C8orf74: variants seen among roughly 807,000 people sequenced by gnomAD.
The protein encoded by C8orf74 is uncharacterized protein C8orf74.
C8orf74 carries 29 observed loss-of-function variants against 22.2 expected under a neutral mutation model. That is an observed-to-expected ratio of 1.31 (90% CI 0.97 to 1.78). The LOEUF (loss-of-function observed/expected upper bound fraction) is 1.78, where lower values mean the gene tolerates loss of function less well. Ranked by LOEUF, C8orf74 falls within the 40% of genes most tolerant of loss-of-function variation. C8orf74 has a pLI of 0.00. For missense variants in C8orf74, 515 were observed against 369.9 expected, an observed-to-expected ratio of 1.39 and a Z score of -3.22; for synonymous variants, 255 against 163.1, an observed-to-expected ratio of 1.56 and a Z score of -4.30.
At chr8:10,677,585 T>C (rs996488565) in intron 2 of C8orf74, among the ~76,000 whole-genome samples, 32 of 152,200 alleles carry the variant, frequency 2.1e-4, no homozygotes, top group African/African-American at 7.0e-4. Flanking sequence ...ACCTCTTTTT[T>C]TATTTTAATA....
chr8:10,698,978 C>T (rs899662865), intron 3 of C8orf74, among the ~76,000 whole-genome samples: 13 of 151,398 alleles, frequency 8.6e-5, no homozygotes, highest in Admixed American at 2.6e-4. Context: ...AGCATAGCAG[C>T]CTGGATGGTG....
intron 2 of C8orf74, chr8:10,675,566 C>T (rs184134558): frequency 1.3e-4 from 20 of 152,294 alleles, no homozygotes; most frequent in African/African-American, 3.9e-4. Flanking sequence ...CAACATCCTT[C>T]GTAGTGACAA....
At chr8:10,696,652 T>G (rs1799507893) in intron 2 of C8orf74, among the ~76,000 whole-genome samples, 1 of 152,024 alleles carries the variant, frequency 6.6e-6, no homozygotes, top group Admixed American at 6.5e-5. Context: ...TTTGCCATGT[T>G]GGCCAAGCTG....
At chr8:10,676,411 C>A (rs1047721412) in intron 2 of C8orf74, among the ~76,000 whole-genome samples, 1 of 152,144 alleles carries the variant, frequency 6.6e-6, no homozygotes. Context: ...ATTTCCACCC[C>A]CCTCTCTTGA....
intron 2 of C8orf74, among the ~76,000 whole-genome samples, chr8:10,690,547 G>C (rs1799355546): frequency 6.6e-6 from 1 of 152,178 alleles, no homozygotes; most frequent in African/African-American, 2.4e-5. Context: ...CCACGCTGTA[G>C]CCTGACTTGG....
intron 2 of C8orf74, among the ~76,000 whole-genome samples, chr8:10,681,895 C>A (rs1036314915): frequency 1.3e-5 from 2 of 152,088 alleles, no homozygotes; most frequent in African/African-American, 4.8e-5. Flanking sequence ...CATGGCCACT[C>A]CTGGTTCTAA....
intron 3 of C8orf74, among the ~76,000 whole-genome samples, 194 bp downstream of exon 3, chr8:10,698,199 G>A (rs1488239543): frequency 5.9e-5 from 9 of 152,214 alleles, no homozygotes; most frequent in African/African-American, 2.2e-4. Flanking sequence ...TTAGTGATGA[G>A]ACGACTGAGG....
At chr8:10,689,317 C>T (rs944625049) in intron 2 of C8orf74, 1 of 152,238 alleles carries the variant, frequency 6.6e-6, no homozygotes, top group Non-Finnish European at 1.5e-5. Flanking sequence ...ATTGTACAAG[C>T]TCAACATTTC....
intron 2 of C8orf74, among the ~76,000 whole-genome samples, chr8:10,694,118 T>C (rs1357220861): frequency 6.6e-6 from 1 of 152,138 alleles, no homozygotes; most frequent in Non-Finnish European, 1.5e-5. Context: ...CTGAAGCCCA[T>C]GCTGTTGTTC....
At chr8:10,698,940 C>T (rs1487294642) in intron 3 of C8orf74, among the ~76,000 whole-genome samples, 2 of 144,906 alleles carry the variant, frequency 1.4e-5, no homozygotes, top group African/African-American at 5.2e-5. Context: ...CACACACACA[C>T]ACACACGAAA....
chr8:10,678,102 T>C (rs1219550605), intron 2 of C8orf74, among the ~76,000 whole-genome samples: 2 of 152,172 alleles, frequency 1.3e-5, no homozygotes, highest in Admixed American at 1.3e-4. Flanking sequence ...AACAAGCTCT[T>C]AGGTGGGCTT....
Position 10,697,746 on chromosome 8 carries a change from G to T in C8orf74, c.389G>T (p.Gly130Val). 1 of 1,614,016 alleles carries T rather than the reference G, an allele frequency of 6.2e-7. No homozygotes were observed. The highest frequency in any genetic ancestry group is 8.5e-7 in the Non-Finnish European group (1 of 1,179,892). ...RHYKLYQYVLGQDQQVDLTVA... is the reference protein window; with the variant it reads ...RHYKLYQYVLVQDQQVDLTVA... ...TACAAACTCTACCAGTATGTCCTGG[G>T]CCAGGACCAGCAGGTCGACCTGACC... The change falls in exon 3 of 4, where the codon GGC becomes GTC. Residue 130 changes from glycine (G) to valine (V), a missense_variant. By Grantham distance (109) the Gly-to-Val change is moderately radical. Transcript: ENST00000304519.
At chr8:10,683,473 G>A (rs1190486649) in intron 2 of C8orf74, among the ~76,000 whole-genome samples, 1 of 152,250 alleles carries the variant, frequency 6.6e-6, no homozygotes, top group Non-Finnish European at 1.5e-5. Flanking sequence ...TATGAGGATG[G>A]AGTAGCCACA....
intron 2 of C8orf74, among the ~76,000 whole-genome samples, chr8:10,687,774 A>G (rs1163473986): frequency 6.6e-6 from 1 of 152,236 alleles, no homozygotes; most frequent in Non-Finnish European, 1.5e-5. Context: ...CAGGGTCACC[A>G]TCTTCTTAAA....
chr8:10,673,204 G>T (rs1269575939), intron 1 of C8orf74, among the ~76,000 whole-genome samples: 1 of 152,082 alleles, frequency 6.6e-6, no homozygotes, highest in African/African-American at 2.4e-5. Flanking sequence ...AGGATCCCTT[G>T]CCTCAGGAAA....
rs574972893 is a variant in C8orf74 at position 10,681,755 on chromosome 8, TG to T, written c.241+6918del. On this transcript the variant is annotated intron_variant, in intron 2 of 3. Transcript: ENST00000304519. Reference sequence around the variant, plus strand: ...AGACAGCTGAAGCAGGAAGAACCTTTGCATATGGCCAGGCCCGCCAATCCCA... The same window carrying T: ...AGACAGCTGAAGCAGGAAGAACCTTTCATATGGCCAGGCCCGCCAATCCCA... Among the ~76,000 whole-genome samples the T allele has an allele frequency of 2.4e-3, 362 of 152,268 alleles. 3 individuals carry two copies. The highest frequency in any genetic ancestry group is 8.3e-3 in the African/African-American group (344 of 41,550).
intron 2 of C8orf74, among the ~76,000 whole-genome samples, chr8:10,681,815 G>T (rs1799157184): frequency 6.6e-6 from 1 of 152,234 alleles, no homozygotes; most frequent in African/African-American, 2.4e-5. Flanking sequence ...TGACCGGTCA[G>T]TGGAGGCACA....
At chr8:10,686,846 T>A (rs575199363) in intron 2 of C8orf74, among the ~76,000 whole-genome samples, 1 of 152,300 alleles carries the variant, frequency 6.6e-6, no homozygotes, top group South Asian at 2.1e-4. Context: ...TGGTGTCCTA[T>A]TCCCCTACCC....
At chr8:10,682,503 T>G (rs1320518718) in intron 2 of C8orf74, among the ~76,000 whole-genome samples, 2 of 152,154 alleles carry the variant, frequency 1.3e-5, no homozygotes, top group Non-Finnish European at 2.9e-5. Context: ...TTCTCCCCAC[T>G]TCCTCTTGTG....
Sources: allele counts gnomAD v4.1 joint callset (sites outside exome capture counted in the v4.1 genomes callset), GRCh38; gene constraint gnomAD v4.1.1; transcripts MANE v1.5; gene names NCBI Gene and HGNC (gene_info 2026-07-23, HGNC 2026-07-21).